The following DLG2 variants were observed in gnomAD, a reference collection of about 807,000 sequenced individuals.
DLG2 encodes the protein disks large homolog 2.
A neutral mutation model predicts 132.5 loss-of-function variants in DLG2; 45 were observed. The ratio of observed to expected loss-of-function variants is 0.34; its 90% CI spans 0.27 to 0.44. The LOEUF is 0.44. DLG2 is among the 20% of genes least tolerant of loss of function. DLG2 has a pLI of 1.00. For synonymous variants in DLG2, 424 were observed against 419.6 expected (o/e 1.01, Z -0.13); for missense variants, 1,045 against 1,196.9 (o/e 0.87, Z 1.87).
chr11:84,436,734 AG>A lies in DLG2; in HGVS notation c.519+97835del, dbSNP rs111940812. ...TCAGGGAAATATAACTAATTAGGTA[AG>A]TCTACACAGAGATTCTCTGGAAATG... On this transcript the variant is annotated intron_variant, in intron 7 of 27. Transcript: ENST00000376104. Among the ~76,000 whole-genome samples, 116 of 152,336 alleles carry A rather than the reference AG, an allele frequency of 7.6e-4. 1 individual carries two copies. The highest frequency in any genetic ancestry group is 2.8e-3 in the African/African-American group (115 of 41,568).
At chr11:85,117,858 T>A (rs575305540) in intron 5 of DLG2, among the ~76,000 whole-genome samples, 115 of 152,140 alleles carry the variant, frequency 7.6e-4, no homozygotes, top group Non-Finnish European at 1.4e-3. Context: ...GGACTTTTCA[T>A]TTCCTGTAAA....
rs536210495 is a variant in DLG2 at position 84,759,221 on chromosome 11, C to T, written c.358-224490G>A. On this transcript the variant is annotated intron_variant, in intron 6 of 27. Coordinates refer to ENST00000376104, the MANE Select transcript of DLG2 (RefSeq NM_001142699.3). ...AGTAAGTAACCATTGTCACTAGATG[C>T]CAGTCTAACACCTGGAGATATAGAT... 1.4e-4 allele frequency among the ~76,000 whole-genome samples: 21 copies of T among 152,202 alleles called. No homozygotes were observed. In the South Asian group the frequency reaches 4.2e-3, roughly 30 times the overall value.
At chr11:83,690,626 G>GAC (rs1273831971) in intron 18 of DLG2, among the ~76,000 whole-genome samples, 2 of 120,080 alleles carry the variant, frequency 1.7e-5, no homozygotes, top group East Asian at 5.5e-4. Flanking sequence ...CAATAATCTG[G>GAC]ACACCATATT....
At chr11:83,672,560 CTT>C (rs1230835513) in intron 18 of DLG2, among the ~76,000 whole-genome samples, 1 of 152,170 alleles carries the variant, frequency 6.6e-6, no homozygotes, top group Non-Finnish European at 1.5e-5. Flanking sequence ...TAACAATACT[CTT>C]CTCTATATAT....
intron 3 of DLG2, among the ~76,000 whole-genome samples, chr11:85,566,173 A>C (rs1160188461): frequency 1.3e-5 from 2 of 152,084 alleles, no homozygotes; most frequent in Non-Finnish European, 2.9e-5. Context: ...TCTTTTCAAA[A>C]ATTTGCCAAT....
At chr11:83,736,076 C>A (rs770838236) in intron 18 of DLG2, among the ~76,000 whole-genome samples, 3 of 152,268 alleles carry the variant, frequency 2.0e-5, no homozygotes, top group Admixed American at 1.3e-4. Flanking sequence ...CAAATATTGA[C>A]ATTTTTCATA....
chr11:85,060,298 AGTATAT>A (rs1261865038), intron 6 of DLG2, among the ~76,000 whole-genome samples: 1 of 150,958 alleles, frequency 6.6e-6, no homozygotes, highest in African/African-American at 2.4e-5. Flanking sequence ...TTAAAGGCTA[AGTATAT>A]GTATATAATA....
chr11:84,647,695 G>C (rs2099676654), intron 6 of DLG2, among the ~76,000 whole-genome samples: 1 of 152,146 alleles, frequency 6.6e-6, no homozygotes, highest in Non-Finnish European at 1.5e-5. Context: ...TTGCAGATGA[G>C]AGCTCACATC....
At chr11:84,802,258 G>C (rs1442935625) in intron 6 of DLG2, among the ~76,000 whole-genome samples, 1 of 152,056 alleles carries the variant, frequency 6.6e-6, no homozygotes, top group Admixed American at 6.6e-5. Flanking sequence ...GGAAATTATG[G>C]ATAGGAAATA....
At chr11:85,499,904 T>G (rs761154378) in intron 3 of DLG2, among the ~76,000 whole-genome samples, 4 of 152,218 alleles carry the variant, frequency 2.6e-5, no homozygotes, top group Non-Finnish European at 1.5e-5. Flanking sequence ...CAGCCTTTCA[T>G]GCTTAAATCT....
At chr11:84,895,131 A>G (rs1468320827) in intron 6 of DLG2, among the ~76,000 whole-genome samples, 1 of 152,212 alleles carries the variant, frequency 6.6e-6, no homozygotes, top group East Asian at 1.9e-4. Flanking sequence ...TACTCAACTT[A>G]TTTACATGAT....
intron 7 of DLG2, among the ~76,000 whole-genome samples, chr11:84,265,096 TA>T (rs528608379): frequency 6.6e-6 from 1 of 152,312 alleles, no homozygotes; most frequent in South Asian, 2.1e-4. Flanking sequence ...CTTAGCTAAT[TA>T]ATTTAATCTC....
At chr11:83,532,838 G>A in intron 20 of DLG2, 55 bp from the exon 21 acceptor site, 5 of 1,460,520 alleles carry the variant, frequency 3.4e-6, no homozygotes, top group South Asian at 1.2e-5. Context: ...TTATGACTAA[G>A]TTCCATATTA....
rs76448858 is a variant in DLG2, at chr11:85,539,741, T to G, written c.40+58916A>C. ...ACTTACTGTGTACCCACAAAAATGT[T>G]AAATTAAAAAAAGTTTTTAAAGAGT... On this transcript the variant is annotated intron_variant, in intron 3 of 27. Transcript: ENST00000376104. 2.0e-5 allele frequency among the ~76,000 whole-genome samples: 3 copies of G among 152,286 alleles called. No homozygotes were observed. The East Asian group carries it at 5.8e-4, about 29-fold the overall frequency.
In DLG2 at chr11:83,479,639, C is replaced by A. The variant is rs11233632; in HGVS notation, c.2293+4490G>T. Among the ~76,000 whole-genome samples the A allele has an allele frequency of 2.0e-5, 3 of 151,838 alleles. No individual in the cohort carries two copies. The East Asian group carries it at 5.8e-4, about 29-fold the overall frequency. ...TGAGGACTGATCAAAAGGATGTGAT[C>A]GGTGTTTGGTGGATAGTTTCATACA... On this transcript the variant is annotated intron_variant, in intron 22 of 27. Coordinates refer to ENST00000376104, the MANE Select transcript of DLG2 (RefSeq NM_001142699.3).
At chr11:83,996,234 T>A (rs771794284) in intron 11 of DLG2, among the ~76,000 whole-genome samples, 2 of 152,164 alleles carry the variant, frequency 1.3e-5, no homozygotes, top group Non-Finnish European at 2.9e-5. Flanking sequence ...CTCAACATCA[T>A]TAATCATCAG....
At chr11:84,640,175 A>G in intron 6 of DLG2, 1 of 266,662 alleles carries the variant, frequency 3.8e-6, no homozygotes, top group South Asian at 4.2e-5. Flanking sequence ...ATGGAGAAAC[A>G]GAAAAGACCT....
intron 7 of DLG2, among the ~76,000 whole-genome samples, chr11:84,295,482 G>C (rs1390543667): frequency 6.6e-6 from 1 of 151,972 alleles, no homozygotes; most frequent in Non-Finnish European, 1.5e-5. Context: ...TTCTCTTCTG[G>C]GGGTGCCTTG....
At chr11:84,732,702 G>T (rs1268253811) in intron 6 of DLG2, among the ~76,000 whole-genome samples, 1 of 151,824 alleles carries the variant, frequency 6.6e-6, no homozygotes, top group African/African-American at 2.4e-5. Flanking sequence ...TGTGCAGGTT[G>T]TTATGTATGT....
Sources: allele counts gnomAD v4.1 joint callset (sites outside exome capture counted in the v4.1 genomes callset), GRCh38; gene constraint gnomAD v4.1.1; transcripts MANE v1.5; gene names NCBI Gene and HGNC (gene_info 2026-07-23, HGNC 2026-07-21).